The following GPR101 variants were observed in gnomAD, a reference collection of about 807,000 sequenced individuals.
GPR101 encodes probable G protein-coupled receptor 101.
A neutral mutation model predicts 16.4 loss-of-function variants in GPR101; 8 were observed. The observed-to-expected ratio is 0.49, with a 90% CI of 0.29 to 0.88. GPR101 has a LOEUF of 0.88. Ranked by LOEUF, GPR101 falls within the 40% of genes least tolerant of loss-of-function variation. The pLI, the probability that GPR101 is intolerant of heterozygous loss-of-function variation, is 0.09. For synonymous variants in GPR101, 155 were observed against 168.7 expected (o/e 0.92, Z 0.63); for missense variants, 375 against 411.7 (o/e 0.91, Z 0.77).
rs151005677 is a variant in GPR101 at position 137,025,050 on chromosome X, G to T, written c.*5098C>A. ...AACTGTCAGCAAGGACTTCAGCCAC[G>T]ATGATTAGTTCACACTAATGACCAA... On this transcript the variant is annotated 3_prime_UTR_variant, in exon 2 of 2. Transcript: ENST00000651716. Among the ~76,000 whole-genome samples the T allele has an allele frequency of 0.014, 1,569 of 111,989 alleles. 40 individuals carry two copies. Among genetic ancestry groups the T allele is most frequent in the African/African-American group, 0.047 (1,455 of 30,772 alleles).
rs906599222 is a variant in GPR101 at position 137,028,421 on chromosome X, T to C, written c.*1727A>G. On this transcript the variant is annotated 3_prime_UTR_variant, in exon 2 of 2. Transcript: ENST00000651716. Reference sequence around the variant, plus strand: ...AAGAGATAAAAAAAAATAAATGAGCTGGGCATTTATTTAAATGAAACTTGA... The same window carrying C: ...AAGAGATAAAAAAAAATAAATGAGCCGGGCATTTATTTAAATGAAACTTGA... 1.8e-5 allele frequency among the ~76,000 whole-genome samples: 2 copies of C among 111,986 alleles called. No individual in the cohort carries two copies. The highest frequency in any genetic ancestry group is 3.8e-5 in the Non-Finnish European group (2 of 53,183).
Position 137,030,881 on chromosome X carries a change from T to G in GPR101, c.794A>C (p.Gln265Pro), listed in dbSNP as rs768836607. ...EFQDESEFRR[Q>P]HEGEVKAKEG... ...CTTGGCCTTGACCTCACCTTCATGC[T>G]GGCGGCGAAACTCACTCTCATCCTG... Residue 265 changes from glutamine to proline, a missense_variant, in exon 2 of 2, where the codon CAG becomes CCG. By Grantham distance (76) the Gln-to-Pro change is moderately conservative. Coordinates refer to ENST00000651716, the MANE Select transcript of GPR101 (RefSeq NM_054021.2). 9.1e-6 allele frequency: 11 copies of G among 1,211,603 alleles called. No individual in the cohort carries two copies. The highest frequency in any genetic ancestry group is 1.2e-5 in the Non-Finnish European group (11 of 895,442).
Position 137,030,877 on chromosome X carries a change from A to G in GPR101, c.798T>C (p.His266=). Residue 266 remains histidine (H), a synonymous_variant, in exon 2 of 2, where the codon CAT becomes CAC. Coordinates refer to ENST00000651716, the MANE Select transcript of GPR101 (RefSeq NM_054021.2). ...CCTCCTTGGCCTTGACCTCACCTTC[A>G]TGCTGGCGGCGAAACTCACTCTCAT... ...FQDESEFRRQ[H]EGEVKAKEGR... The G allele has an allele frequency of 3.3e-6, 4 of 1,210,356 alleles. No homozygotes were observed. Among genetic ancestry groups the G allele is most frequent in the South Asian group, 1.8e-5 (1 of 56,880 alleles).
Position 137,028,810 on chromosome X carries a change from A to G in GPR101, c.*1338T>C, listed in dbSNP as rs1927205477. Among the ~76,000 whole-genome samples, 3 of 112,778 alleles carry G rather than the reference A, an allele frequency of 2.7e-5. No homozygotes were observed. In the South Asian group the frequency reaches 1.1e-3, roughly 41 times the overall value. ...ATTTAGATATTGTTAAAGTTTTCCC[A>G]ACGTGATTTATTTCAACAGCATTAA... On this transcript the variant is annotated 3_prime_UTR_variant, in exon 2 of 2. Coordinates refer to ENST00000651716, the MANE Select transcript of GPR101 (RefSeq NM_054021.2).
rs200302047 is a variant in GPR101 at position 137,031,333 on chromosome X, G to A, written c.342C>T (p.Phe114=). The A allele has an allele frequency of 1.7e-6, 2 of 1,202,265 alleles. No individual in the cohort carries two copies. Among genetic ancestry groups the A allele is most frequent in the African/African-American group, 3.5e-5 (2 of 57,213 alleles). Residue 114 remains phenylalanine, a synonymous_variant, in exon 2 of 2, where the codon TTC becomes TTT. Coordinates refer to ENST00000651716, the MANE Select transcript of GPR101 (RefSeq NM_054021.2). ...CTALVSLTHL[F]AFASVNTIVV... is the part of the protein sequence containing the mutation. ...CAATGGTGTTGACGCTGGCGAAGGC[G>A]AACAGGTGGGTGAGGCTAACCAGGG...
Position 137,030,217 on chromosome X carries a change from G to A in GPR101, c.1458C>T (p.Asp486=), listed in dbSNP as rs1381725083. The change falls in exon 2 of 2, where the codon GAC becomes GAT. Residue 486 remains aspartate (D), a synonymous_variant. Coordinates refer to ENST00000651716, the MANE Select transcript of GPR101 (RefSeq NM_054021.2). The part of the protein sequence containing the change: ...EKPPKEDSHP[D]LPGTEGGTEG... Reference sequence around the variant, plus strand: ...CAGTCCCACCCTCTGTTCCGGGCAGGTCTGGGTGGCTATCTTCTTTCGGGG... The same window carrying A: ...CAGTCCCACCCTCTGTTCCGGGCAGATCTGGGTGGCTATCTTCTTTCGGGG... 1 of 1,208,173 alleles carries A rather than the reference G, an allele frequency of 8.3e-7. No individual in the cohort carries two copies. The highest frequency in any genetic ancestry group is 1.1e-6 in the Non-Finnish European group (1 of 894,272).
Position 137,033,832 on chromosome X carries a change from C to A in GPR101, c.-123G>T, listed in dbSNP as rs1488039917. Among the ~76,000 whole-genome samples the A allele has an allele frequency of 1.8e-5, 2 of 112,144 alleles. No individual in the cohort carries two copies. The highest frequency in any genetic ancestry group is 6.5e-5 in the African/African-American group (2 of 30,991). ...GCTGCTGCAGACGTGGCGTCGCGGGCGCCGCGTGCAGGTCCTTCGGGGCTC... is the reference window on the plus strand; with the variant it reads ...GCTGCTGCAGACGTGGCGTCGCGGGAGCCGCGTGCAGGTCCTTCGGGGCTC... On this transcript the variant is annotated 5_prime_UTR_variant, in exon 1 of 2. Coordinates refer to ENST00000651716, the MANE Select transcript of GPR101 (RefSeq NM_054021.2).
In GPR101 at chrX:137,024,340, T is replaced by G. The variant is rs1291813593; in HGVS notation, c.*5808A>C. ...TGGGAACTTGGCCTCAGGACTGTAG[T>G]TTGACAATCCTTTGAGAAGGCACTT... On this transcript the variant is annotated 3_prime_UTR_variant, in exon 2 of 2. Transcript: ENST00000651716. Among the ~76,000 whole-genome samples, 1 of 112,195 alleles carries G rather than the reference T, an allele frequency of 8.9e-6. No homozygotes were observed. The highest frequency in any genetic ancestry group is 2.8e-4 in the East Asian group (1 of 3,576).
In GPR101 at chrX:137,033,910, G is replaced by A. The variant is rs112746259; in HGVS notation, c.-201C>T. Among the ~76,000 whole-genome samples the A allele has an allele frequency of 0.055, 6,127 of 111,778 alleles. 401 individuals are homozygous for A. Among genetic ancestry groups the A allele is most frequent in the African/African-American group, 0.18 (5,555 of 30,924 alleles). ...GGCTCGGGCGGCTGCGAGCTGGCAC[G>A]GGGCAGCGGGCGCTGCGGGCGCGGC... is the stretch of plus-strand genomic sequence containing the variant. On this transcript the variant is annotated 5_prime_UTR_variant, in exon 1 of 2. Coordinates refer to ENST00000651716, the MANE Select transcript of GPR101 (RefSeq NM_054021.2).
At position 137,027,745 on chromosome X, in the gene GPR101, A is replaced by T. The variant is rs1927189231; in HGVS notation, c.*2403T>A. Among the ~76,000 whole-genome samples the T allele has an allele frequency of 8.9e-6, 1 of 112,671 alleles. No homozygotes were observed. The highest frequency in any genetic ancestry group is 3.2e-5 in the African/African-American group (1 of 31,026). On this transcript the variant is annotated 3_prime_UTR_variant, in exon 2 of 2. Coordinates refer to ENST00000651716, the MANE Select transcript of GPR101 (RefSeq NM_054021.2). The stretch of plus-strand genomic sequence containing the variant: ...CCTTGAGAATGTTGTGTGTGCTGTT[A>T]AATGGACTTACCATACTTGTACAGG...
chrX:137,030,317 A>G lies in GPR101; in HGVS notation c.1358T>C (p.Val453Ala). The G allele has an allele frequency of 8.3e-7, 1 of 1,211,082 alleles. No individual in the cohort carries two copies. The highest frequency in any genetic ancestry group is 1.1e-6 in the Non-Finnish European group (1 of 895,194). ...FFLQCCIHPY[V>A]YGYMHKTIKK... ...AATGGTCTTGTGCATGTAGCCATAGACATAGGGGTGGATGCAGCACTGCAG... is the reference window on the plus strand; with the variant it reads ...AATGGTCTTGTGCATGTAGCCATAGGCATAGGGGTGGATGCAGCACTGCAG... Residue 453 changes from valine (V) to alanine (A), a missense_variant, in exon 2 of 2, where the codon GTC (valine) becomes GCC (alanine). Physicochemically the swap from Val to Ala is moderately conservative, Grantham distance 64. Coordinates refer to ENST00000651716, the MANE Select transcript of GPR101 (RefSeq NM_054021.2).
Position 137,029,793 on chromosome X carries a change from A to C in GPR101, c.*355T>G, listed in dbSNP as rs192578998. On this transcript the variant is annotated 3_prime_UTR_variant, in exon 2 of 2. Coordinates refer to ENST00000651716, the MANE Select transcript of GPR101 (RefSeq NM_054021.2). ...AGGGCCGAAAAGTCCTTAAGTTCAC[A>C]AGCATCATCTTCCCTTTCCTTCAGA... 4.5e-4 allele frequency among the ~76,000 whole-genome samples: 51 copies of C among 112,365 alleles called. No homozygotes were observed. Among genetic ancestry groups the C allele is most frequent in the Non-Finnish European group, 8.6e-4 (46 of 53,318 alleles).
Position 137,024,989 on chromosome X carries a change from G to T in GPR101, c.*5159C>A, listed in dbSNP as rs1270317428. Among the ~76,000 whole-genome samples the T allele has an allele frequency of 2.7e-5, 3 of 111,769 alleles. No individual in the cohort carries two copies. The Admixed American group carries it at 2.9e-4, about 11-fold the overall frequency. On this transcript the variant is annotated 3_prime_UTR_variant, in exon 2 of 2. Transcript: ENST00000651716. ...TTGCATTCTATATATTCAGTGAATA[G>T]AAAACAGGCACACCAGTGCCAAGTG...
Position 137,030,779 on chromosome X carries a change from T to G in GPR101, c.896A>C (p.Glu299Ala), listed in dbSNP as rs1265887024. 4 of 1,211,586 alleles carry G rather than the reference T, an allele frequency of 3.3e-6. No homozygotes were observed. The South Asian group carries it at 7.0e-5, about 21-fold the overall frequency. Residue 299 changes from glutamate to alanine, a missense_variant, in exon 2 of 2, where the codon GAG becomes GCG. Transcript: ENST00000651716. The part of the protein sequence containing the change: ...GSTGTSESSV[E>A]ARGSEEVRES... ...TCTGACCTCCTCGCTGCCCCTGGCCTCTACACTACTCTCACTGGTCCCCGT... is the reference window on the plus strand; with the variant it reads ...TCTGACCTCCTCGCTGCCCCTGGCCGCTACACTACTCTCACTGGTCCCCGT...
At chrX:137,033,556 A>G (rs1326556885) in intron 1 of GPR101, among the ~76,000 whole-genome samples, 2 of 109,316 alleles carry the variant, frequency 1.8e-5, no homozygotes, top group African/African-American at 3.3e-5. Flanking sequence ...GAAGAGGGAA[A>G]GGATGAGGAA....
intron 1 of GPR101, among the ~76,000 whole-genome samples, chrX:137,033,590 G>A (rs921571875): frequency 1.8e-5 from 2 of 110,728 alleles, no homozygotes; most frequent in African/African-American, 6.6e-5. Context: ...GGAGAGGAAG[G>A]GGGAAAAGAA....
chrX:137,029,514 A>G lies in GPR101; in HGVS notation c.*634T>C, dbSNP rs2039831413. ...CCCTTGGACTAGCTTCCCATTTCAT[A>G]CATGTCCTTCTACTTTTCTGGATCC... On this transcript the variant is annotated 3_prime_UTR_variant, in exon 2 of 2. Coordinates refer to ENST00000651716, the MANE Select transcript of GPR101 (RefSeq NM_054021.2). 8.9e-6 allele frequency among the ~76,000 whole-genome samples: 1 copy of G among 112,256 alleles called. No individual in the cohort carries two copies. The highest frequency in any genetic ancestry group is 3.2e-5 in the African/African-American group (1 of 30,856).
Position 137,031,724 on chromosome X carries a change from G to T in GPR101, c.-50C>A. ...AGGTTGCAGGCTCAGTGCCGGCACC[G>T]GTGGGTGGCAAAGGGGTGCACAGAC... On this transcript the variant is annotated 5_prime_UTR_variant, in exon 2 of 2. Coordinates refer to ENST00000651716, the MANE Select transcript of GPR101 (RefSeq NM_054021.2). The T allele has an allele frequency of 9.5e-7, 1 of 1,056,743 alleles. No individual in the cohort carries two copies. The highest frequency in any genetic ancestry group is 1.8e-5 in the African/African-American group (1 of 54,217). 87.1% of individuals were successfully genotyped at this position (1,056,743 alleles called of 1,213,427 possible).
chrX:137,031,952 C>T (rs1033515470), intron 1 of GPR101, among the ~76,000 whole-genome samples, 186 bp from the exon 2 acceptor site: 1 of 111,292 alleles, frequency 9.0e-6, no homozygotes, highest in Non-Finnish European at 1.9e-5. Context: ...CTCCAGGGCT[C>T]TGATTTCCTC....
Sources: allele counts gnomAD v4.1 joint callset (sites outside exome capture counted in the v4.1 genomes callset), GRCh38; gene constraint gnomAD v4.1.1; transcripts MANE v1.5; gene names NCBI Gene and HGNC (gene_info 2026-07-23, HGNC 2026-07-21).